SAMD4A: variants seen among roughly 807,000 people sequenced by gnomAD.
The protein encoded by SAMD4A is protein Smaug homolog 1.
Under a neutral mutation model 81.3 loss-of-function variants are expected in SAMD4A, and 33 were observed. The ratio of observed to expected loss-of-function variants is 0.41; its 90% confidence interval spans 0.31 to 0.54. The LOEUF (loss-of-function observed/expected upper bound fraction) is 0.54, where lower values mean the gene tolerates loss of function less well. Among genes scored for constraint, SAMD4A ranks in the 20% least tolerant of loss-of-function variants. The pLI is 0.37. For missense variants in SAMD4A, 854 were observed against 951.1 expected (o/e 0.90, Z 1.34); for synonymous variants, 389 against 382.1 (o/e 1.02, Z -0.21).
At chr14:54,771,115 CA>C (rs1217969771) in intron 9 of SAMD4A, among the ~76,000 whole-genome samples, 1 of 152,030 alleles carries the variant, frequency 6.6e-6, no homozygotes, top group Non-Finnish European at 1.5e-5. Flanking sequence ...CTTAAAACAT[CA>C]CTATTTTGGA....
In SAMD4A at chr14:54,760,480, G is replaced by A. The variant is rs754971765; in HGVS notation, c.1496G>A (p.Arg499His). ...GGGGACCTCCCCGGGCAGTTCACAC[G>A]CGTCATGGGGAAAGGTAGAGCCTCA... ...PEGDLPGQFT[R>H]VMGKVCTQLL... Residue 499 changes from arginine (R) to histidine (H), a missense_variant, in exon 7 of 13, where the codon CGC (arginine) becomes CAC (histidine). This residue lies in a region of SAMD4A where 428 missense variants were observed against 471.2 expected (regional missense o/e 0.91). Transcript: ENST00000554335. 2.1e-6 allele frequency: 3 copies of A among 1,401,464 alleles called. No individual in the cohort carries two copies. Among genetic ancestry groups the A allele is most frequent in the Non-Finnish European group, 2.8e-6 (3 of 1,086,116 alleles). The allele number at this position is 1,401,464 out of a possible 1,614,324, so 86.8% of individuals were successfully genotyped here. A position where few individuals can be genotyped will look rare whatever the true frequency, so the allele number is the denominator to read the frequency against.
At chr14:54,762,624 A>C (rs1413797624) in intron 7 of SAMD4A, among the ~76,000 whole-genome samples, 2 of 152,128 alleles carry the variant, frequency 1.3e-5, no homozygotes, top group African/African-American at 4.8e-5. Context: ...CTACTTCCTG[A>C]GAGACCCACA....
chr14:54,776,534 C>G lies in SAMD4A; in HGVS notation c.2038C>G (p.Gln680Glu). The change falls in exon 11 of 13, where the codon CAG (glutamine) becomes GAG (glutamate). Residue 680 changes from glutamine to glutamate, a missense_variant. By Grantham distance (29) the Gln-to-Glu change is conservative. Coordinates refer to ENST00000554335, the MANE Select transcript of SAMD4A (RefSeq NM_015589.6). The part of the protein sequence containing the change: ...TSPQNMLMFQ[Q>E]PEFQLPVTEP... ...CCCACAGAACATGCTGATGTTCCAG[C>G]AGCCAGGTAGGGCCCGGCGCTTCAT... The G allele has an allele frequency of 6.4e-7, 1 of 1,566,542 alleles. No homozygotes were observed. Among genetic ancestry groups the G allele is most frequent in the Non-Finnish European group, 8.6e-7 (1 of 1,158,040 alleles).
At chr14:54,761,327 CT>C (rs1008038601) in intron 7 of SAMD4A, among the ~76,000 whole-genome samples, 68 of 152,360 alleles carry the variant, frequency 4.5e-4, no homozygotes, top group African/African-American at 1.6e-3. Flanking sequence ...GTGGTTACCA[CT>C]GTGCCTTCTT....
intron 2 of SAMD4A, among the ~76,000 whole-genome samples, chr14:54,689,295 C>T (rs1397447291): frequency 6.6e-6 from 1 of 152,150 alleles, no homozygotes; most frequent in Non-Finnish European, 1.5e-5. Context: ...TGAACCAGTG[C>T]CTTAGGGCTT....
intron 2 of SAMD4A, among the ~76,000 whole-genome samples, chr14:54,579,225 G>A (rs113153309): frequency 4.8e-4 from 73 of 152,300 alleles, no homozygotes; most frequent in African/African-American, 1.5e-3. Context: ...ATTAAATGCC[G>A]TATATTTCAA....
chr14:54,766,916 C>G (rs2038560596), intron 8 of SAMD4A, among the ~76,000 whole-genome samples: 1 of 152,146 alleles, frequency 6.6e-6, no homozygotes, highest in Admixed American at 6.5e-5. Flanking sequence ...CCTGCATGTC[C>G]TCCCTTGGTA....
chr14:54,710,669 A>G (rs1487426581), intron 3 of SAMD4A, among the ~76,000 whole-genome samples: 1 of 152,124 alleles, frequency 6.6e-6, no homozygotes, highest in African/African-American at 2.4e-5. Flanking sequence ...GCCCACAGGT[A>G]TGAGACCCTG....
chr14:54,595,891 G>T (rs921785612), intron 2 of SAMD4A, among the ~76,000 whole-genome samples: 1 of 152,226 alleles, frequency 6.6e-6, no homozygotes, highest in Non-Finnish European at 1.5e-5. Context: ...GAGTGGGACT[G>T]ATAGTCTAAG....
chr14:54,779,678 CTTTTTT>C (rs11306028), intron 11 of SAMD4A, among the ~76,000 whole-genome samples: 2 of 139,376 alleles, frequency 1.4e-5, no homozygotes, highest in African/African-American at 5.5e-5. Flanking sequence ...CATGGACAAG[CTTTTTT>C]TTTTTTTTTT....
rs1029213706 is a variant in SAMD4A at position 54,763,176 on chromosome 14, C to T, written c.1511-1279C>T. On this transcript the variant is annotated intron_variant, in intron 7 of 12. Transcript: ENST00000554335. ...AGCCGAATATTCACTTTTATACACA[C>T]GCAGGCCTTATTTACATTCTTTTCT... Among the ~76,000 whole-genome samples, 4 of 150,690 alleles carry T rather than the reference C, an allele frequency of 2.7e-5. No homozygotes were observed. In the East Asian group the frequency reaches 5.9e-4, roughly 22 times the overall value.
chr14:54,762,001 A>G (rs949519508), intron 7 of SAMD4A, among the ~76,000 whole-genome samples: 3 of 152,252 alleles, frequency 2.0e-5, no homozygotes, highest in East Asian at 1.9e-4. Context: ...TAGATGCCTC[A>G]TAAGTAGGCG....
intron 11 of SAMD4A, among the ~76,000 whole-genome samples, chr14:54,778,297 C>T (rs548996011): frequency 5.3e-5 from 8 of 152,324 alleles, no homozygotes; most frequent in South Asian, 4.1e-4. Flanking sequence ...TGGGTTGTCC[C>T]GGAGCGCTTC....
At chr14:54,620,690 CTG>C (rs1274155764) in intron 2 of SAMD4A, among the ~76,000 whole-genome samples, 3 of 152,164 alleles carry the variant, frequency 2.0e-5, no homozygotes, top group African/African-American at 7.2e-5. Context: ...GTGTTTGAAA[CTG>C]TGGTGTTTTC....
At chr14:54,776,369 C>T (rs762780086) in intron 10 of SAMD4A, 45 bp from the exon 11 acceptor site, 5 of 1,566,580 alleles carry the variant, frequency 3.2e-6, no homozygotes, top group African/African-American at 1.4e-5. Context: ...CTCTCCACCC[C>T]AGTGGGGCTG....
chr14:54,781,392 G>A (rs547842522), intron 11 of SAMD4A, among the ~76,000 whole-genome samples: 251 of 152,306 alleles, frequency 1.6e-3, no homozygotes, highest in Non-Finnish European at 3.1e-3. Context: ...ATTCTCTTCC[G>A]GAATCTTCTT....
intron 2 of SAMD4A, among the ~76,000 whole-genome samples, chr14:54,626,961 G>A (rs2034778774): frequency 6.6e-6 from 1 of 152,170 alleles, no homozygotes; most frequent in South Asian, 2.1e-4. Flanking sequence ...CCAAGCCAAG[G>A]ACTGGAGTCT....
intron 3 of SAMD4A, among the ~76,000 whole-genome samples, chr14:54,729,455 G>A (rs1418636861): frequency 3.9e-5 from 6 of 151,992 alleles, no homozygotes; most frequent in African/African-American, 1.4e-4. Context: ...CAGATACGTG[G>A]GAACATTAAA....
chr14:54,652,043 A>G (rs777738066), intron 2 of SAMD4A, among the ~76,000 whole-genome samples: 9 of 152,252 alleles, frequency 5.9e-5, no homozygotes, highest in Non-Finnish European at 1.5e-5. Flanking sequence ...TCAGACCACA[A>G]GTTGTAGAAA....
Sources: gnomAD v4.1 joint callset for allele counts (sites outside exome capture counted in the v4.1 genomes callset) on GRCh38, gnomAD v4.1.1 for gene constraint, gnomAD v4.1.1 regional missense constraint, MANE v1.5 for transcripts, NCBI Gene and HGNC (gene_info 2026-07-23, HGNC 2026-07-21) for gene names.